The following CEP85 variants were observed in gnomAD, a reference collection of about 807,000 sequenced individuals.
CEP85 encodes the protein centrosomal protein 85.
In CEP85, 58 loss-of-function variants were observed where a neutral mutation model predicts 93.7. That is an observed-to-expected ratio of 0.62 (90% confidence interval 0.50 to 0.77). CEP85 has a LOEUF of 0.77. Among genes scored for constraint, CEP85 ranks in the 30% least tolerant of loss-of-function variants. The pLI is 0.00. For synonymous variants in CEP85, 314 were observed against 338.6 expected (o/e 0.93, Z 0.80); for missense variants, 868 against 922.0 (o/e 0.94, Z 0.76).
chr1:26,265,336 C>T (rs116028345), intron 7 of CEP85, among the ~76,000 whole-genome samples: 2,617 of 151,904 alleles, frequency 0.017, 45 homozygotes, highest in Non-Finnish European at 0.025. Flanking sequence ...TCAGGCTGGT[C>T]TTGAACTCCT....
chr1:26,269,459 G>A lies in CEP85; in HGVS notation c.1495-1G>A, dbSNP rs2089940161. 1 of 1,613,836 alleles carries A rather than the reference G, an allele frequency of 6.2e-7. No individual in the cohort carries two copies. Among genetic ancestry groups the A allele is most frequent in the South Asian group, 1.1e-5 (1 of 91,062 alleles). ...CCTAAACATGGGATCCTGTCTCTCA[G>A]CTTAAGGATTCTGAGTTGAAGAGCA... On this transcript the variant is annotated splice_acceptor_variant, in intron 8 of 13. Coordinates refer to ENST00000451429, the MANE Select transcript of CEP85 (RefSeq NM_001319944.2). LOFTEE classifies it high-confidence loss of function.
Position 26,271,824 on chromosome 1 carries a change from G to C in CEP85, c.1744-197G>C, listed in dbSNP as rs1026878215. ...ATTCCTGTATAAACCTTTGTGATTG[G>C]AGCACAACTGTGAAGCTAGTTAGCC... On this transcript the variant is annotated intron_variant, in intron 10 of 13. Coordinates refer to ENST00000451429, the MANE Select transcript of CEP85 (RefSeq NM_001319944.2). 23 of 602,828 alleles carry C rather than the reference G, an allele frequency of 3.8e-5. No individual in the cohort carries two copies. The African/African-American group carries it at 3.9e-4, about 10-fold the overall frequency. The allele number at this position is 602,828 out of a possible 1,614,324, so 37.3% of individuals were successfully genotyped here. A position where few individuals can be genotyped will look rare whatever the true frequency, so the allele number is the denominator to read the frequency against.
intron 1 of CEP85, among the ~76,000 whole-genome samples, chr1:26,234,591 A>C (rs985321372): frequency 6.6e-6 from 1 of 152,250 alleles, no homozygotes; most frequent in Non-Finnish European, 1.5e-5. Context: ...GGACACAGCG[A>C]GCGGCGCATT....
chr1:26,275,083 TAGTC>T lies in CEP85; in HGVS notation c.1902+15_1902+18del. The T allele has an allele frequency of 6.4e-7, 1 of 1,552,272 alleles. No homozygotes were observed. The highest frequency in any genetic ancestry group is 2.4e-5 in the East Asian group (1 of 41,274). ...CAGCCGTGAAGGAGGTGAGCAACAT[TAGTC>T]AGACCTCTTGGTTTTGCCTCCACAA... On this transcript the variant is annotated intron_variant, in intron 12 of 13. Coordinates refer to ENST00000451429, the MANE Select transcript of CEP85 (RefSeq NM_001319944.2).
At chr1:26,240,810 A>G (rs183502904) in intron 2 of CEP85, among the ~76,000 whole-genome samples, 1 of 152,222 alleles carries the variant, frequency 6.6e-6, no homozygotes, top group East Asian at 1.9e-4. Flanking sequence ...AGGCAGGAGA[A>G]TCACTTGAAC....
intron 2 of CEP85, among the ~76,000 whole-genome samples, chr1:26,243,726 G>T (rs968363754): frequency 6.6e-6 from 1 of 152,018 alleles, no homozygotes; most frequent in Non-Finnish European, 1.5e-5. Flanking sequence ...CAGGCTTGGC[G>T]CAGTGGCTCA....
In CEP85 at chr1:26,276,615, A is replaced by C; in HGVS notation, c.1983A>C (p.Pro661=). 6.2e-7 allele frequency: 1 copy of C among 1,614,186 alleles called. No homozygotes were observed. The highest frequency in any genetic ancestry group is 1.1e-5 in the South Asian group (1 of 91,088). Reference sequence around the variant, plus strand: ...TGCGCCAGGCCCAACCAGGGTCTCCACCTTCACCAGACACGGCCCAGCTGG... The same window carrying C: ...TGCGCCAGGCCCAACCAGGGTCTCCCCCTTCACCAGACACGGCCCAGCTGG... ...EHLRQAQPGS[P]PSPDTAQLAL... is the part of the protein sequence containing the mutation. The change falls in exon 13 of 14, where the codon CCA becomes CCC. Residue 661 remains proline, a synonymous_variant. Coordinates refer to ENST00000451429, the MANE Select transcript of CEP85 (RefSeq NM_001319944.2).
At chr1:26,253,352 C>T (rs1231339405) in intron 3 of CEP85, among the ~76,000 whole-genome samples, 2 of 150,788 alleles carry the variant, frequency 1.3e-5, no homozygotes, top group Non-Finnish European at 2.9e-5. Context: ...CTAGAGTTCC[C>T]TTTTCTCTGC....
At chr1:26,272,817 CGG>C (rs774481913) in intron 11 of CEP85, among the ~76,000 whole-genome samples, 40 of 151,910 alleles carry the variant, frequency 2.6e-4, no homozygotes, top group Non-Finnish European at 4.6e-4. Flanking sequence ...TTTGTAGAGA[CGG>C]GGTTTCACCA....
intron 11 of CEP85, among the ~76,000 whole-genome samples, chr1:26,272,564 A>G (rs1431207350): frequency 2.7e-5 from 4 of 150,672 alleles, no homozygotes; most frequent in East Asian, 1.9e-4. Context: ...GGCCTTATCT[A>G]TCAACTAAGT....
At chr1:26,258,485 A>G (rs895087651) in intron 6 of CEP85, among the ~76,000 whole-genome samples, 24 of 152,172 alleles carry the variant, frequency 1.6e-4, no homozygotes, top group African/African-American at 5.6e-4. Context: ...GTGAAGACAT[A>G]CTTGGAAGAA....
chr1:26,257,544 T>C, intron 4 of CEP85, 53 bp from the exon 5 acceptor site: 1 of 1,603,552 alleles, frequency 6.2e-7, no homozygotes, highest in Non-Finnish European at 8.5e-7. Flanking sequence ...CTCAGGTGTT[T>C]TCAGGCGTGT....
At chr1:26,239,458 C>T (rs1442174193) in intron 1 of CEP85, among the ~76,000 whole-genome samples, 1 of 152,008 alleles carries the variant, frequency 6.6e-6, no homozygotes, top group Non-Finnish European at 1.5e-5. Flanking sequence ...TTCAAGCAAT[C>T]CTTGTGCCTC....
At chr1:26,235,375 A>G (rs2089309107) in intron 1 of CEP85, among the ~76,000 whole-genome samples, 1 of 152,166 alleles carries the variant, frequency 6.6e-6, no homozygotes, top group South Asian at 2.1e-4. Flanking sequence ...TGTAAAGGCA[A>G]CTTCTTGTCA....
chr1:26,256,710 T>C (rs2124584108), intron 4 of CEP85, among the ~76,000 whole-genome samples: 1 of 149,746 alleles, frequency 6.7e-6, no homozygotes, highest in East Asian at 2.1e-4. Flanking sequence ...GTGATTCTCC[T>C]GCCTTAACCT....
At chr1:26,269,781 G>GT (rs1557666724) in intron 9 of CEP85, among the ~76,000 whole-genome samples, 167 bp downstream of exon 9, 1 of 78,144 alleles carries the variant, frequency 1.3e-5, no homozygotes, top group African/African-American at 4.1e-5. Context: ...ATGGGAAGCG[G>GT]CTTTTTTTTT....
chr1:26,271,360 A>G, intron 10 of CEP85: 2 of 382,306 alleles, frequency 5.2e-6, no homozygotes, highest in Admixed American at 8.3e-5. Flanking sequence ...GAATATCTAG[A>G]TTAGATGACC....
At chr1:26,273,901 AAAATAAATAAAT>A (rs1553161625) in intron 11 of CEP85, among the ~76,000 whole-genome samples, 4 of 141,488 alleles carry the variant, frequency 2.8e-5, no homozygotes, top group African/African-American at 1.1e-4. Flanking sequence ...ACCCCATCTC[AAAATAAATAAAT>A]AAATAAATAA....
At chr1:26,275,911 A>T (rs115264206) in intron 12 of CEP85, among the ~76,000 whole-genome samples, 1 of 152,330 alleles carries the variant, frequency 6.6e-6, no homozygotes, top group Non-Finnish European at 1.5e-5. Flanking sequence ...ACAGACAGAC[A>T]TACATGAATA....
Sources: gnomAD v4.1 joint callset for allele counts (sites outside exome capture counted in the v4.1 genomes callset) on GRCh38, gnomAD v4.1.1 for gene constraint, MANE v1.5 for transcripts, NCBI Gene and HGNC (gene_info 2026-07-23, HGNC 2026-07-21) for gene names.